Variants in CSRNP3 observed in about 807,000 individuals in gnomAD.
CSRNP3 encodes the protein cysteine/serine-rich nuclear protein 3.
Under a neutral mutation model 48.0 loss-of-function variants are expected in CSRNP3, and 12 were observed. The ratio of observed to expected loss-of-function variants is 0.25; its 90% CI spans 0.16 to 0.41. The LOEUF (loss-of-function observed/expected upper bound fraction) is 0.41, where lower values mean the gene tolerates loss of function less well. Among genes scored for constraint, CSRNP3 ranks in the 10% least tolerant of loss-of-function variants. CSRNP3 has a pLI of 1.00. For synonymous variants in CSRNP3, 263 were observed against 269.7 expected (o/e 0.98, Z 0.24); for missense variants, 580 against 724.4 (o/e 0.80, Z 2.29).
At chr2:165,626,236 A>G (rs1203357146) in intron 4 of CSRNP3, among the ~76,000 whole-genome samples, 1 of 152,012 alleles carries the variant, frequency 6.6e-6, no homozygotes, top group African/African-American at 2.4e-5. Flanking sequence ...AAAAAAAAAA[A>G]GAGAAGAGAG....
chr2:165,514,342 A>G (rs1177552816), intron 2 of CSRNP3, among the ~76,000 whole-genome samples: 8 of 152,234 alleles, frequency 5.3e-5, no homozygotes, highest in African/African-American at 1.9e-4. Flanking sequence ...GATTCCAGGA[A>G]AAATGGCAGT....
intron 5 of CSRNP3, among the ~76,000 whole-genome samples, chr2:165,665,008 G>GT (rs1687155793): frequency 6.6e-6 from 1 of 152,160 alleles, no homozygotes; most frequent in Non-Finnish European, 1.5e-5. Context: ...GATCAATAAA[G>GT]TTTTGTTACA....
intron 4 of CSRNP3, among the ~76,000 whole-genome samples, chr2:165,652,428 G>A (rs1686927049): frequency 6.6e-6 from 1 of 151,880 alleles, no homozygotes; most frequent in Non-Finnish European, 1.5e-5. Flanking sequence ...GGACCCAGGA[G>A]GCGGAGGTTG....
At chr2:165,506,050 A>G (rs1390386673) in intron 2 of CSRNP3, among the ~76,000 whole-genome samples, 1 of 152,134 alleles carries the variant, frequency 6.6e-6, no homozygotes, top group Non-Finnish European at 1.5e-5. Flanking sequence ...TGATACTCTC[A>G]ATACCTACCC....
At chr2:165,619,698 T>C (rs540611916) in intron 4 of CSRNP3, among the ~76,000 whole-genome samples, 301 of 152,250 alleles carry the variant, frequency 2.0e-3, no homozygotes, top group African/African-American at 6.9e-3. Context: ...TATCCTAATA[T>C]AAGGAGGTTT....
At chr2:165,565,106 C>T (rs1261588263) in intron 3 of CSRNP3, among the ~76,000 whole-genome samples, 2 of 151,938 alleles carry the variant, frequency 1.3e-5, no homozygotes, top group African/African-American at 4.8e-5. Flanking sequence ...ATTAAAGAGG[C>T]AAAGATGCAA....
At chr2:165,515,353 A>C (rs1040638143) in intron 2 of CSRNP3, among the ~76,000 whole-genome samples, 1 of 150,222 alleles carries the variant, frequency 6.7e-6, no homozygotes, top group Non-Finnish European at 1.5e-5. Flanking sequence ...ATATATATAT[A>C]TATCTGTAAA....
rs913227197 is a variant in CSRNP3 at position 165,487,807 on chromosome 2, G to A, written c.-282-6952G>A. Among the ~76,000 whole-genome samples the A allele has an allele frequency of 8.5e-3, 1,275 of 150,418 alleles. 15 individuals are homozygous for A. The highest frequency in any genetic ancestry group is 0.011 in the Non-Finnish European group (760 of 67,896). ...ACTCCTGAAGGAAGTGCTAAACATG[G>A]AAAGGAACAACCGGTACCAGCCGCT... On this transcript the variant is annotated intron_variant, in intron 1 of 6. Transcript: ENST00000651982.
chr2:165,490,082 T>C (rs1684182207), intron 1 of CSRNP3, among the ~76,000 whole-genome samples: 1 of 151,368 alleles, frequency 6.6e-6, no homozygotes, highest in East Asian at 1.9e-4. Context: ...CTTAAGCTGA[T>C]AAGCAACTTC....
chr2:165,579,579 G>A (rs1685507804), intron 3 of CSRNP3, among the ~76,000 whole-genome samples: 1 of 152,104 alleles, frequency 6.6e-6, no homozygotes, highest in African/African-American at 2.4e-5. Flanking sequence ...GGGGAGCCTG[G>A]CACATAGAAA....
At chr2:165,546,025 GCC>G (rs1430237871) in intron 3 of CSRNP3, among the ~76,000 whole-genome samples, 1 of 151,924 alleles carries the variant, frequency 6.6e-6, no homozygotes, top group African/African-American at 2.4e-5. Flanking sequence ...TGTGTTATTA[GCC>G]CCACTTTATA....
intron 3 of CSRNP3, among the ~76,000 whole-genome samples, chr2:165,568,142 T>C (rs921683): frequency 0.28 from 42,007 of 151,854 alleles, 6,689 homozygotes; most frequent in Admixed American, 0.41. Context: ...CTTTATTTCA[T>C]GCCCCCATTG....
intron 4 of CSRNP3, among the ~76,000 whole-genome samples, chr2:165,606,870 T>G (rs768205218): frequency 2.6e-5 from 4 of 151,918 alleles, no homozygotes; most frequent in Non-Finnish European, 4.4e-5. Context: ...AAATATAACA[T>G]AGGAAGGGAT....
At chr2:165,637,518 G>A (rs549661355) in intron 4 of CSRNP3, among the ~76,000 whole-genome samples, 26 of 152,288 alleles carry the variant, frequency 1.7e-4, no homozygotes, top group Admixed American at 9.2e-4. Flanking sequence ...GGAAAGGAGC[G>A]CCACATTCAT....
At chr2:165,639,626 A>G (rs1281209493) in intron 4 of CSRNP3, among the ~76,000 whole-genome samples, 2 of 152,174 alleles carry the variant, frequency 1.3e-5, no homozygotes, top group Non-Finnish European at 2.9e-5. Flanking sequence ...AGAAAGGACA[A>G]ATCTGAGAAT....
chr2:165,543,696 A>G (rs1684986932), intron 3 of CSRNP3, among the ~76,000 whole-genome samples: 1 of 152,104 alleles, frequency 6.6e-6, no homozygotes, highest in African/African-American at 2.4e-5. Flanking sequence ...TAGTAGGTGT[A>G]TACATTTATA....
Position 165,657,953 on chromosome 2 carries a change from A to C in CSRNP3, c.341A>C (p.Glu114Ala). 2 of 1,614,094 alleles carry C rather than the reference A, an allele frequency of 1.2e-6. No homozygotes were observed. Among genetic ancestry groups the C allele is most frequent in the Non-Finnish European group, 1.7e-6 (2 of 1,179,978 alleles). Residue 114 changes from glutamate (E) to alanine (A), a missense_variant, in exon 5 of 7, where the codon GAG becomes GCG. By Grantham distance (107) the Glu-to-Ala change is moderately radical. Around this residue, in one of 4 missense-constraint regions of CSRNP3, gnomAD observed 62 missense variants for 66.4 expected, o/e 0.93. Transcript: ENST00000651982. The stretch of plus-strand genomic sequence containing the variant: ...CTTGGCGAGTTTGCAAGGGAGCAGG[A>C]GAGGCTCCACCGGGAGATGTTGAGA... ...YTLGEFAREQERLHREMLREH... is the reference protein window; with the variant it reads ...YTLGEFAREQARLHREMLREH...
At chr2:165,603,375 C>A (rs1379282844) in intron 4 of CSRNP3, among the ~76,000 whole-genome samples, 3 of 152,188 alleles carry the variant, frequency 2.0e-5, no homozygotes, top group Non-Finnish European at 4.4e-5. Context: ...CAATTCCATT[C>A]ATGTCTTTTA....
intron 3 of CSRNP3, among the ~76,000 whole-genome samples, chr2:165,546,061 A>G (rs1471267159): frequency 1.3e-5 from 2 of 152,198 alleles, no homozygotes; most frequent in Non-Finnish European, 2.9e-5. Flanking sequence ...AGGCTCATAA[A>G]TGTTAAGTAC....
Sources: allele counts gnomAD v4.1 joint callset (sites outside exome capture counted in the v4.1 genomes callset), GRCh38; gene constraint gnomAD v4.1.1; regional missense constraint gnomAD v4.1.1; transcripts MANE v1.5; gene names NCBI Gene and HGNC (gene_info 2026-07-23, HGNC 2026-07-21).